PREX2: variants seen among roughly 807,000 people sequenced by gnomAD.
PREX2 encodes phosphatidylinositol 3,4,5-trisphosphate-dependent Rac exchanger 2 protein.
In PREX2, 107 loss-of-function variants were observed where a neutral mutation model predicts 203.2. That is an observed-to-expected ratio of 0.53 (90% CI 0.45 to 0.62). PREX2 has a LOEUF of 0.62. PREX2 is among the 20% of genes least tolerant of loss of function. The pLI is 0.00. For synonymous variants in PREX2, 672 were observed against 663.6 expected, an observed-to-expected ratio of 1.01 and a Z score of -0.19; for missense variants, 1,777 against 1,955.9, an observed-to-expected ratio of 0.91 and a Z score of 1.72.
chr8:68,203,005 A>G (rs1328863520), intron 37 of PREX2, among the ~76,000 whole-genome samples: 1 of 152,174 alleles, frequency 6.6e-6, no homozygotes, highest in Non-Finnish European at 1.5e-5. Context: ...AGCCAACAGC[A>G]CAGTGCCCAC....
chr8:68,024,028 C>T, intron 4 of PREX2, among the ~76,000 whole-genome samples: 1 of 151,976 alleles, frequency 6.6e-6, no homozygotes, highest in East Asian at 1.9e-4. Flanking sequence ...AGAGTGGGCA[C>T]ACCTGCCGTG....
chr8:68,136,441 CTGG>C (rs1811114228), intron 32 of PREX2, among the ~76,000 whole-genome samples: 1 of 152,196 alleles, frequency 6.6e-6, no homozygotes, highest in Non-Finnish European at 1.5e-5. Context: ...GAGCAGCGCT[CTGG>C]TGGTCTGTGT....
intron 37 of PREX2, among the ~76,000 whole-genome samples, chr8:68,217,377 C>G (rs1812864256): frequency 6.6e-6 from 1 of 152,120 alleles, no homozygotes; most frequent in Non-Finnish European, 1.5e-5. Context: ...TAGATAAGTG[C>G]TCTTATAAAC....
chr8:67,987,132 G>A (rs546317604), intron 1 of PREX2, among the ~76,000 whole-genome samples: 74 of 126,384 alleles, frequency 5.9e-4, no homozygotes, highest in African/African-American at 2.2e-3. Flanking sequence ...CAGCCTGGGC[G>A]ACAGAGTGAG....
chr8:68,161,308 T>A (rs1390961052), intron 35 of PREX2, among the ~76,000 whole-genome samples: 1 of 152,068 alleles, frequency 6.6e-6, no homozygotes, highest in Non-Finnish European at 1.5e-5. Context: ...TTGGCCAGGC[T>A]GGTCTCGAAC....
intron 1 of PREX2, among the ~76,000 whole-genome samples, chr8:67,971,012 T>C (rs1025962321): frequency 1.3e-5 from 2 of 152,322 alleles, no homozygotes; most frequent in Admixed American, 6.5e-5. Flanking sequence ...TTTCATGGTG[T>C]TGCTTTTGTG....
chr8:68,114,435 A>G, intron 25 of PREX2: 4 of 427,998 alleles, frequency 9.3e-6, no homozygotes, highest in South Asian at 6.6e-5. Context: ...TGCTGGCTTG[A>G]GAAGCCCTAT....
chr8:68,084,854 C>T (rs1322141761), intron 18 of PREX2, among the ~76,000 whole-genome samples: 1 of 152,114 alleles, frequency 6.6e-6, no homozygotes, highest in South Asian at 2.1e-4. Flanking sequence ...TCATTACGTC[C>T]TCCCTAGGGC....
rs1807854637 is a variant in PREX2 at position 68,030,592 on chromosome 8, G to A, written c.639G>A (p.Glu213=). ...AMKAVCSNIN[E]AKRQMEKLEV... is the part of the protein sequence containing the mutation. ...AAGCTGTCTGTTCCAACATAAACGAGGCCAAGAGACAGATGGAGAAGTTAG... is the reference window on the plus strand; with the variant it reads ...AAGCTGTCTGTTCCAACATAAACGAAGCCAAGAGACAGATGGAGAAGTTAG... The change falls in exon 6 of 40, where the codon GAG becomes GAA. Residue 213 remains glutamate, a synonymous_variant. Coordinates refer to ENST00000288368, the MANE Select transcript of PREX2 (RefSeq NM_024870.4). The A allele has an allele frequency of 2.5e-6, 4 of 1,613,718 alleles. No homozygotes were observed. The highest frequency in any genetic ancestry group is 3.4e-6 in the Non-Finnish European group (4 of 1,179,734).
chr8:68,076,303 A>G (rs932206281), intron 14 of PREX2, among the ~76,000 whole-genome samples: 1 of 152,070 alleles, frequency 6.6e-6, no homozygotes, highest in Non-Finnish European at 1.5e-5. Flanking sequence ...CTAAAAATAC[A>G]AAAATTAGCC....
chr8:67,958,133 C>T (rs751798377), intron 1 of PREX2, among the ~76,000 whole-genome samples: 1 of 152,204 alleles, frequency 6.6e-6, no homozygotes, highest in Non-Finnish European at 1.5e-5. Flanking sequence ...TCTGCTTAAG[C>T]CATCAATCTG....
chr8:67,970,303 C>A (rs1485859730), intron 1 of PREX2, among the ~76,000 whole-genome samples: 1 of 151,950 alleles, frequency 6.6e-6, no homozygotes, highest in Non-Finnish European at 1.5e-5. Flanking sequence ...AAACTACCGC[C>A]CCACACTAAA....
At chr8:68,093,171 ACCTGAGGTCGGGAGTTCGAGACCAG>A (rs1809936429) in intron 20 of PREX2, among the ~76,000 whole-genome samples, 1 of 152,060 alleles carries the variant, frequency 6.6e-6, no homozygotes, top group African/African-American at 2.4e-5. Context: ...CAGGCAGATC[ACCTGAGGTCGGGAGTTCGAGACCAG>A]CCTGACCAAC....
At chr8:68,025,457 A>G (rs1017886395) in intron 4 of PREX2, among the ~76,000 whole-genome samples, 42 of 151,718 alleles carry the variant, frequency 2.8e-4, no homozygotes, top group Non-Finnish European at 5.5e-4. Context: ...TTTTTCTTTC[A>G]GTAGTTCAAT....
At chr8:68,215,278 GTTT>G (rs1563591106) in intron 37 of PREX2, among the ~76,000 whole-genome samples, 9 of 152,140 alleles carry the variant, frequency 5.9e-5, no homozygotes, top group African/African-American at 2.2e-4. Flanking sequence ...TGTAAGTCTT[GTTT>G]ATAAGTGAGT....
intron 4 of PREX2, among the ~76,000 whole-genome samples, chr8:68,024,023 G>C (rs1314754518): frequency 6.6e-6 from 1 of 151,958 alleles, no homozygotes; most frequent in African/African-American, 2.4e-5. Flanking sequence ...TGGTAAGAGT[G>C]GGCACACCTG....
At chr8:68,105,714 C>CAT (rs1304153496) in intron 23 of PREX2, 1 of 180,866 alleles carries the variant, frequency 5.5e-6, no homozygotes. Flanking sequence ...TATATATACA[C>CAT]ATATATATAC....
intron 1 of PREX2, among the ~76,000 whole-genome samples, chr8:67,959,733 AG>A (rs1158372037): frequency 6.6e-6 from 1 of 152,190 alleles, no homozygotes; most frequent in Non-Finnish European, 1.5e-5. Flanking sequence ...TCCAGTGTAC[AG>A]CTAGTGGAAC....
At chr8:68,036,853 G>A (rs1585726107) in intron 6 of PREX2, among the ~76,000 whole-genome samples, 1 of 152,158 alleles carries the variant, frequency 6.6e-6, no homozygotes, top group Admixed American at 6.5e-5. Flanking sequence ...TGAGGCAGGA[G>A]AATCGCTTTC....
Sources: gnomAD v4.1 joint callset for allele counts (sites outside exome capture counted in the v4.1 genomes callset) on GRCh38, gnomAD v4.1.1 for gene constraint, MANE v1.5 for transcripts, NCBI Gene and HGNC (gene_info 2026-07-23, HGNC 2026-07-21) for gene names.